GPR39: variants seen among roughly 807,000 people sequenced by gnomAD.
The protein encoded by GPR39 is G protein-coupled receptor 39, also known as zinc sensing receptor.
Under a neutral mutation model 18.4 loss-of-function variants are expected in GPR39, and 23 were observed. The observed-to-expected ratio is 1.25, with a 90% confidence interval of 0.90 to 1.77. The LOEUF (loss-of-function observed/expected upper bound fraction) is 1.77. Among genes scored for constraint, GPR39 ranks in the 40% most tolerant of loss-of-function variants. GPR39 has a pLI of 0.00. For missense variants in GPR39, 647 were observed against 602.4 expected (o/e 1.07, Z -0.78); for synonymous variants, 280 against 257.9 (o/e 1.09, Z -0.82).
At chr2:132,447,704 A>C (rs1000936252) in intron 1 of GPR39, among the ~76,000 whole-genome samples, 4 of 152,252 alleles carry the variant, frequency 2.6e-5, no homozygotes, top group Admixed American at 2.6e-4. Flanking sequence ...CAATTAGAAA[A>C]GAATCCATTA....
At chr2:132,631,850 T>G (rs1261917499) in intron 1 of GPR39, among the ~76,000 whole-genome samples, 1 of 151,194 alleles carries the variant, frequency 6.6e-6, no homozygotes. Context: ...TGAGACTGAT[T>G]CTCAATCTGT....
At chr2:132,622,084 G>A (rs1258439785) in intron 1 of GPR39, among the ~76,000 whole-genome samples, 4 of 152,138 alleles carry the variant, frequency 2.6e-5, no homozygotes, top group Admixed American at 6.5e-5. Context: ...TGAGAAGGAC[G>A]ATGGAAAAAT....
At chr2:132,532,090 A>G (rs1679648429) in intron 1 of GPR39, among the ~76,000 whole-genome samples, 1 of 152,232 alleles carries the variant, frequency 6.6e-6, no homozygotes, top group Non-Finnish European at 1.5e-5. Context: ...AACAAAATTG[A>G]TAGACCACTA....
At chr2:132,438,044 C>A (rs962974740) in intron 1 of GPR39, among the ~76,000 whole-genome samples, 1 of 152,158 alleles carries the variant, frequency 6.6e-6, no homozygotes, top group East Asian at 1.9e-4. Context: ...CTGGCAACAG[C>A]CATAAACATT....
intron 1 of GPR39, among the ~76,000 whole-genome samples, chr2:132,592,127 A>G (rs1354419839): frequency 6.6e-6 from 1 of 152,264 alleles, no homozygotes; most frequent in Non-Finnish European, 1.5e-5. Flanking sequence ...AATCCCTGTC[A>G]TCATGGAGTT....
chr2:132,449,792 T>C (rs951199683), intron 1 of GPR39, among the ~76,000 whole-genome samples: 1 of 152,220 alleles, frequency 6.6e-6, no homozygotes, highest in African/African-American at 2.4e-5. Flanking sequence ...GTCTGCCTTC[T>C]GCTCAGAATA....
At chr2:132,493,279 C>CATATATACCATATATATACACCAT (rs1188760601) in intron 1 of GPR39, among the ~76,000 whole-genome samples, 8 of 141,254 alleles carry the variant, frequency 5.7e-5, no homozygotes, top group Admixed American at 3.6e-4. Flanking sequence ...ATATGTATAC[C>CATATATACCATATATATACACCAT]ATATATACCA....
In GPR39 at chr2:132,645,207, G is replaced by T. The variant is rs369523811; in HGVS notation, c.963G>T (p.Ala321=). 1 of 1,614,160 alleles carries T rather than the reference G, an allele frequency of 6.2e-7. No individual in the cohort carries two copies. The highest frequency in any genetic ancestry group is 2.2e-5 in the East Asian group (1 of 44,876). The part of the protein sequence containing the change: ...KHDWTRSYFR[A]YMILLPFSET... Reference sequence around the variant, plus strand: ...ACTGGACGAGGTCCTACTTCCGGGCGTACATGATCCTCCTCCCCTTCTCGG... The same window carrying T: ...ACTGGACGAGGTCCTACTTCCGGGCTTACATGATCCTCCTCCCCTTCTCGG... The change falls in exon 2 of 2, where the codon GCG becomes GCT. Residue 321 remains alanine (A), a synonymous_variant. Transcript: ENST00000329321.
At chr2:132,503,277 G>A (rs1471344368) in intron 1 of GPR39, among the ~76,000 whole-genome samples, 1 of 152,150 alleles carries the variant, frequency 6.6e-6, no homozygotes, top group Admixed American at 6.5e-5. Context: ...TTGATGTGGT[G>A]TTCTCCCCCT....
At chr2:132,510,097 A>G (rs1021411079) in intron 1 of GPR39, among the ~76,000 whole-genome samples, 7 of 152,202 alleles carry the variant, frequency 4.6e-5, no homozygotes, top group Admixed American at 1.3e-4. Context: ...TGAATGAGCT[A>G]GTGGTTGAGA....
intron 1 of GPR39, among the ~76,000 whole-genome samples, chr2:132,574,592 G>C (rs1188633158): frequency 6.6e-6 from 1 of 152,042 alleles, no homozygotes; most frequent in Non-Finnish European, 1.5e-5. Context: ...AAAATTAGCT[G>C]GACATGATGG....
chr2:132,620,627 C>T (rs986136510), intron 1 of GPR39, among the ~76,000 whole-genome samples: 1 of 152,222 alleles, frequency 6.6e-6, no homozygotes, highest in African/African-American at 2.4e-5. Flanking sequence ...TCTTCCCTGC[C>T]TCCCTCCCAG....
At chr2:132,619,233 A>G (rs113827770) in intron 1 of GPR39, among the ~76,000 whole-genome samples, 5,931 of 152,302 alleles carry the variant, frequency 0.039, 382 homozygotes, top group African/African-American at 0.13. Flanking sequence ...GAATCAGGCT[A>G]TGCACATCCT....
intron 1 of GPR39, among the ~76,000 whole-genome samples, chr2:132,476,193 A>C (rs1168019758): frequency 6.6e-6 from 1 of 152,222 alleles, no homozygotes; most frequent in African/African-American, 2.4e-5. Context: ...CATGTCATTT[A>C]TAAAAGACCA....
intron 1 of GPR39, among the ~76,000 whole-genome samples, chr2:132,542,538 A>G (rs1263425538): frequency 6.6e-6 from 1 of 152,236 alleles, no homozygotes; most frequent in Admixed American, 6.5e-5. Context: ...AGAACCTCCT[A>G]TCATAGACCT....
intron 1 of GPR39, among the ~76,000 whole-genome samples, chr2:132,615,364 C>G (rs11688092): frequency 1.6e-3 from 241 of 152,314 alleles, no homozygotes; most frequent in Non-Finnish European, 2.7e-3. Context: ...GGCCCACCCC[C>G]GCTTTGGTGT....
chr2:132,584,345 A>G (rs191682849), intron 1 of GPR39, among the ~76,000 whole-genome samples: 15 of 152,336 alleles, frequency 9.8e-5, no homozygotes, highest in South Asian at 4.1e-4. Context: ...TCAGAAAGCA[A>G]TAGCTAATTA....
At chr2:132,448,247 A>C (rs1680572931) in intron 1 of GPR39, among the ~76,000 whole-genome samples, 1 of 152,200 alleles carries the variant, frequency 6.6e-6, no homozygotes, top group Non-Finnish European at 1.5e-5. Flanking sequence ...AGATGGTGCT[A>C]GTGATGACAA....
chr2:132,417,357 C>A lies in GPR39; in HGVS notation c.315C>A (p.Thr105=). 6.2e-7 allele frequency: 1 copy of A among 1,614,204 alleles called. No individual in the cohort carries two copies. The highest frequency in any genetic ancestry group is 2.2e-5 in the East Asian group (1 of 44,872). The change falls in exon 1 of 2, where the codon ACC becomes ACA. Residue 105 remains threonine (T), a synonymous_variant. Coordinates refer to ENST00000329321, the MANE Select transcript of GPR39 (RefSeq NM_001508.3). ...IWNPLTTSSY[T]LSCKLHTFLF... Reference sequence around the variant, plus strand: ...ATCCCCTGACCACGTCCAGCTACACCCTGTCCTGCAAGCTGCACACTTTCC... The same window carrying A: ...ATCCCCTGACCACGTCCAGCTACACACTGTCCTGCAAGCTGCACACTTTCC...
Sources: allele counts gnomAD v4.1 joint callset (sites outside exome capture counted in the v4.1 genomes callset), GRCh38; gene constraint gnomAD v4.1.1; transcripts MANE v1.5; gene names NCBI Gene and HGNC (gene_info 2026-07-23, HGNC 2026-07-21).